Variants in EPG5 observed in about 807,000 individuals in gnomAD.
EPG5 encodes the protein ectopic P-granules 5 autophagy tethering factor.
Under a neutral mutation model 302.7 loss-of-function variants are expected in EPG5, and 159 were observed. The ratio of observed to expected loss-of-function variants is 0.53; its 90% CI spans 0.46 to 0.60. The LOEUF (loss-of-function observed/expected upper bound fraction) is 0.60. Ranked by LOEUF, EPG5 falls within the 20% of genes least tolerant of loss-of-function variation. The pLI is 0.00. For missense variants in EPG5, 2,896 were observed against 3,092.4 expected (o/e 0.94, Z 1.51); for synonymous variants, 1,158 against 1,136.8 (o/e 1.02, Z -0.37).
At chr18:45,844,604 C>T (rs1012185747), downstream of EPG5, among the ~76,000 whole-genome samples, 5 of 152,042 alleles carry the variant, frequency 3.3e-5, no homozygotes, top group African/African-American at 7.2e-5. Context: ...GTCTGAAGGT[C>T]AAGGGATCTT....
chr18:45,820,769 C>A, the EPG5 span, among the ~76,000 whole-genome samples: 2 of 152,178 alleles, frequency 1.3e-5, no homozygotes. Flanking sequence ...TTTTCCCCAA[C>A]ACTCACACAA....
intron 39 of EPG5, among the ~76,000 whole-genome samples, chr18:45,861,890 A>C (rs2048644025): frequency 6.6e-6 from 1 of 152,126 alleles, no homozygotes; most frequent in African/African-American, 2.4e-5. Context: ...TTAATTACTG[A>C]TGTAGCTGGG....
intron 14 of EPG5, among the ~76,000 whole-genome samples, chr18:45,924,077 C>G (rs2050215456): frequency 6.6e-6 from 1 of 151,988 alleles, no homozygotes; most frequent in Non-Finnish European, 1.5e-5. Flanking sequence ...TCTACATTCC[C>G]TTTTCCTGTT....
In EPG5 at chr18:45,917,743, G is replaced by A. The variant is rs200633997; in HGVS notation, c.3175C>T (p.His1059Tyr). The change falls in exon 17 of 44, where the codon CAT becomes TAT. Residue 1059 changes from histidine (H) to tyrosine (Y), a missense_variant. His to Tyr is a moderately conservative substitution (Grantham distance 83, BLOSUM62 2). Transcript: ENST00000282041. ...AAAGGCAGAATCTTATCCAGGACAT[G>A]AACCACTGTTCTCAAATGTCTTGAC... is the stretch of plus-strand genomic sequence containing the variant. ...VQSRHLRTVV[H>Y]VLDKILPLFY... 1.4e-5 allele frequency: 23 copies of A among 1,613,932 alleles called. No individual in the cohort carries two copies. Among genetic ancestry groups the A allele is most frequent in the Non-Finnish European group, 1.9e-5 (22 of 1,179,956 alleles).
intron 24 of EPG5, among the ~76,000 whole-genome samples, chr18:45,907,674 TA>T (rs1327586416): frequency 1.3e-5 from 2 of 151,302 alleles, no homozygotes; most frequent in Non-Finnish European, 2.9e-5. Context: ...AACTTCCAAT[TA>T]AAAAAAATAT....
At chr18:45,823,366 A>ATTGGAAGATC in the EPG5 span, among the ~76,000 whole-genome samples, 26 of 152,298 alleles carry the variant, frequency 1.7e-4, no homozygotes, top group Middle Eastern at 3.4e-3. Context: ...TGGAGGTAGT[A>ATTGGAAGATC]TTGGAAGATC....
chr18:45,952,403 G>C lies in EPG5; in HGVS notation c.1249C>G (p.Arg417Gly). 1 of 1,613,608 alleles carries C rather than the reference G, an allele frequency of 6.2e-7. No individual in the cohort carries two copies. Among genetic ancestry groups the C allele is most frequent in the African/African-American group, 1.3e-5 (1 of 74,948 alleles). The change falls in exon 3 of 44, where the codon CGA becomes GGA. Residue 417 changes from arginine to glycine, a missense_variant. Coordinates refer to ENST00000282041, the MANE Select transcript of EPG5 (RefSeq NM_020964.3). ...GAGAGCTTCATTACTTACATACCTC[G>C]GCCTTGCTGGTGAATTGCTGAAGAT... ...LRSSAIHQQG[R>G]ASKQTESIPS...
intron 2 of EPG5, chr18:45,953,537 C>T: frequency 1.0e-6 from 1 of 985,354 alleles, no homozygotes; most frequent in Non-Finnish European, 1.2e-6. Flanking sequence ...CCTTCACTGC[C>T]AAACTTGTCA....
At chr18:45,867,978 A>C (rs995182721) in intron 36 of EPG5, 2 of 609,240 alleles carry the variant, frequency 3.3e-6, no homozygotes, top group Non-Finnish European at 6.1e-6. Flanking sequence ...CATTTATTCC[A>C]ATCATTCTTA....
chr18:45,934,338 G>A (rs1237242504), intron 11 of EPG5, among the ~76,000 whole-genome samples: 1 of 151,998 alleles, frequency 6.6e-6, no homozygotes, highest in Non-Finnish European at 1.5e-5. Flanking sequence ...TTTAGAGGTG[G>A]TATGACGCAA....
At chr18:45,836,252 TTTAA>T in the EPG5 span, among the ~76,000 whole-genome samples, 1 of 152,168 alleles carries the variant, frequency 6.6e-6, no homozygotes, top group African/African-American at 2.4e-5. Context: ...TTTTCTCACC[TTTAA>T]TAATATCTGC....
downstream of EPG5, among the ~76,000 whole-genome samples, chr18:45,845,710 G>A (rs552076552): frequency 6.6e-5 from 10 of 152,320 alleles, no homozygotes; most frequent in African/African-American, 1.9e-4. Flanking sequence ...AGGGCACAGC[G>A]TTCCATGAAC....
the EPG5 span, among the ~76,000 whole-genome samples, chr18:45,832,598 C>T: frequency 6.6e-6 from 1 of 152,138 alleles, no homozygotes; most frequent in East Asian, 1.9e-4. Flanking sequence ...ACCCTATGGC[C>T]CACCATTGAG....
rs952665521 is a variant in EPG5 at position 45,959,750 on chromosome 18, T to C, written c.64-4412A>G. Among the ~76,000 whole-genome samples, 6 of 151,216 alleles carry C rather than the reference T, an allele frequency of 4.0e-5. No individual in the cohort carries two copies. In the South Asian group the frequency reaches 1.3e-3, roughly 32 times the overall value. ...ATACCAGCACTTTGCGAGGCTGAGG[T>C]GGGTGGATCACCTGAGGTGAGGAGT... On this transcript the variant is annotated intron_variant, in intron 1 of 43. Transcript: ENST00000282041.
chr18:45,922,522 A>G lies in EPG5; in HGVS notation c.2917T>C (p.Leu973=), dbSNP rs370534373. The change falls in exon 16 of 44, where the codon TTG becomes CTG. Residue 973 remains leucine (L), a synonymous_variant. Transcript: ENST00000282041. ...SFNQWAWNLI[L]RLKLHKNDYG... ...TCGTTTTTGTGCAGTTTTAGCCTCA[A>G]GATTAAATTCCAGGCCCATTGGTTA... is the stretch of plus-strand genomic sequence containing the variant. 6.2e-7 allele frequency: 1 copy of G among 1,614,146 alleles called. No homozygotes were observed.
chr18:45,929,161 G>T, intron 12 of EPG5, 152 bp from the exon 13 acceptor site: 1 of 756,402 alleles, frequency 1.3e-6, no homozygotes, highest in Non-Finnish European at 2.1e-6. Flanking sequence ...CTTCATACAG[G>T]CAACTGTCTA....
chr18:45,954,300 G>A (rs2050974870), intron 2 of EPG5, 94 bp downstream of exon 2: 2 of 1,155,920 alleles, frequency 1.7e-6, no homozygotes, highest in African/African-American at 1.5e-5. Context: ...CTGAGGCAGG[G>A]TCAGAGTGGG....
intron 23 of EPG5, among the ~76,000 whole-genome samples, chr18:45,910,100 C>T (rs886123947): frequency 6.6e-6 from 1 of 152,124 alleles, no homozygotes; most frequent in Non-Finnish European, 1.5e-5. Flanking sequence ...ATCCTCCCAC[C>T]TCAGCCTCCC....
the EPG5 span, chr18:45,838,778 T>C: frequency 1.9e-6 from 3 of 1,570,872 alleles, no homozygotes; most frequent in Non-Finnish European, 2.6e-6. Flanking sequence ...TTCCGCGCGC[T>C]CTGCACTGCC....
Sources: gnomAD v4.1 joint callset for allele counts (sites outside exome capture counted in the v4.1 genomes callset) on GRCh38, gnomAD v4.1.1 for gene constraint, MANE v1.5 for transcripts, NCBI Gene and HGNC (gene_info 2026-07-23, HGNC 2026-07-21) for gene names.